The following PLA2G4D variants were observed in gnomAD, a reference collection of about 807,000 sequenced individuals.
PLA2G4D encodes cytosolic phospholipase A2 delta.
Under a neutral mutation model 94.4 loss-of-function variants are expected in PLA2G4D, and 80 were observed. The observed-to-expected ratio is 0.85, with a 90% CI of 0.71 to 1.02. The LOEUF (loss-of-function observed/expected upper bound fraction) is 1.02. PLA2G4D is among the 50% of genes least tolerant of loss of function. The probability of loss-of-function intolerance (pLI) is 0.00; values close to 1 mark genes in which losing one functional copy is unlikely to be tolerated. For missense variants in PLA2G4D, 1,050 were observed against 1,034.7 expected (o/e 1.01, Z -0.20); for synonymous variants, 438 against 440.9 (o/e 0.99, Z 0.08).
chr15:42,091,332 C>T lies in PLA2G4D; in HGVS notation c.45+3083G>A, dbSNP rs58429890. On this transcript the variant is annotated intron_variant, in intron 1 of 19. Transcript: ENST00000290472. ...TTCAGTCCAATATTATAATAATCCT[C>T]GCTCTATAATCATAACCTAGGAAAA... 7.3e-3 allele frequency among the ~76,000 whole-genome samples: 1,105 copies of T among 152,316 alleles called. 15 individuals carry two copies. The highest frequency in any genetic ancestry group is 0.026 in the African/African-American group (1,069 of 41,560).
chr15:42,093,711 T>C (rs1249827837), intron 1 of PLA2G4D, among the ~76,000 whole-genome samples: 1 of 152,136 alleles, frequency 6.6e-6, no homozygotes, highest in Non-Finnish European at 1.5e-5. Flanking sequence ...AGCTTGGGCC[T>C]GGGTCTCAGG....
intron 3 of PLA2G4D, among the ~76,000 whole-genome samples, 168 bp downstream of exon 3, chr15:42,087,132 T>C (rs905081686): frequency 6.6e-6 from 1 of 152,112 alleles, no homozygotes; most frequent in African/African-American, 2.4e-5. Flanking sequence ...CCATGTTCAT[T>C]CTTTCATACA....
chr15:42,093,375 G>C (rs1890279316), intron 1 of PLA2G4D, among the ~76,000 whole-genome samples: 1 of 152,222 alleles, frequency 6.6e-6, no homozygotes. Context: ...AAGGGGCACA[G>C]CCTTCGCCAG....
chr15:42,071,948 G>A, intron 14 of PLA2G4D, 37 bp from the exon 15 acceptor site: 1 of 1,606,962 alleles, frequency 6.2e-7, no homozygotes, highest in Non-Finnish European at 8.5e-7. Flanking sequence ...AGTGTGAGGG[G>A]AGTGGATTGC....
At chr15:42,081,900 G>A (rs111662860) in intron 9 of PLA2G4D, 66 bp from the exon 10 acceptor site, 21 of 1,552,598 alleles carry the variant, frequency 1.4e-5, no homozygotes, top group African/African-American at 9.6e-5. Context: ...GGGTATCCCT[G>A]GGGACTTGGT....
At chr15:42,071,343 T>C in intron 16 of PLA2G4D, 26 bp from the exon 17 acceptor site, 2 of 1,567,130 alleles carry the variant, frequency 1.3e-6, no homozygotes, top group Non-Finnish European at 1.7e-6. Flanking sequence ...CAGAAATTGG[T>C]CCCTTCTTCC....
At chr15:42,078,277 C>A (rs1889966547) in intron 13 of PLA2G4D, among the ~76,000 whole-genome samples, 1 of 152,232 alleles carries the variant, frequency 6.6e-6, no homozygotes, top group Admixed American at 6.5e-5. Context: ...GGCTCCCTTG[C>A]CCTGCAACAT....
At chr15:42,080,124 C>G (rs1890009866) in intron 12 of PLA2G4D, among the ~76,000 whole-genome samples, 1 of 152,144 alleles carries the variant, frequency 6.6e-6, no homozygotes, top group African/African-American at 2.4e-5. Flanking sequence ...TCCAAATTCA[C>G]TGTGTATTTA....
intron 8 of PLA2G4D, among the ~76,000 whole-genome samples, chr15:42,082,985 AG>A (rs1163372089): frequency 6.6e-6 from 1 of 152,180 alleles, no homozygotes; most frequent in Non-Finnish European, 1.5e-5. Context: ...GGGCCGCTGG[AG>A]GATTCAGAGA....
rs769429873 is a variant in PLA2G4D at position 42,086,255 on chromosome 15, G to T, written c.345C>A (p.Leu115=). 1 of 1,598,366 alleles carries T rather than the reference G, an allele frequency of 6.3e-7. No homozygotes were observed. The highest frequency in any genetic ancestry group is 1.1e-5 in the South Asian group (1 of 90,696). Residue 115 remains leucine (L), a synonymous_variant, in exon 4 of 20, where the codon CTC becomes CTA. Transcript: ENST00000290472. ...FKVLYDISEV[L]PGKLLRKTFS... ...AGGTTTTCCGGAGCAGCTTGCCAGG[G>T]AGGACTTCTGAGATGTCATAGAGAA...
intron 14 of PLA2G4D, 31 bp downstream of exon 14, chr15:42,072,244 G>A (rs773109905): frequency 1.3e-6 from 2 of 1,559,492 alleles, no homozygotes; most frequent in East Asian, 2.2e-5. Context: ...GGGGGGTGGA[G>A]TATGTGGGAG....
rs138515586 is a variant in PLA2G4D, at chr15:42,072,489, G to A, written c.1318-97C>T. The A allele has an allele frequency of 4.7e-4, 442 of 941,790 alleles. 5 individuals are homozygous for A. In the African/African-American group the frequency reaches 6.4e-3, roughly 14 times the overall value. 58.3% of individuals were successfully genotyped at this position (941,790 alleles called of 1,614,324 possible). ...GGGCAGGATGGGGGACCTGGCTGGG[G>A]GTGAGGAGGCAGCTCCTCCCGTGGG... On this transcript the variant is annotated intron_variant, in intron 13 of 19. Transcript: ENST00000290472.
chr15:42,081,925 T>C, intron 9 of PLA2G4D, 91 bp from the exon 10 acceptor site: 1 of 1,202,140 alleles, frequency 8.3e-7, no homozygotes, highest in Non-Finnish European at 1.1e-6. Context: ...TTCATCTTCA[T>C]TCTTTTTTTT....
At chr15:42,081,887 C>T in intron 9 of PLA2G4D, 53 bp from the exon 10 acceptor site, 2 of 1,522,358 alleles carry the variant, frequency 1.3e-6, no homozygotes, top group Non-Finnish European at 1.8e-6. Context: ...CTAAGCGGCA[C>T]ATGGGTATCC....
Position 42,067,437 on chromosome 15 carries a change from A to C in PLA2G4D, c.*1278T>G, listed in dbSNP as rs1889707360. The C allele has an allele frequency of 2.0e-5, 3 of 151,682 alleles. No homozygotes were observed. Among genetic ancestry groups the C allele is most frequent in the African/African-American group, 7.3e-5 (3 of 41,294 alleles). 9.4% of individuals were successfully genotyped at this position (151,682 alleles called of 1,614,324 possible). A position where few individuals can be genotyped will look rare whatever the true frequency, so the allele number is the denominator to read the frequency against. On this transcript the variant is annotated 3_prime_UTR_variant, in exon 20 of 20. Transcript: ENST00000290472. ...ATGCCTGTAGTCCCAGCTACTTGGG[A>C]GGCTGAAGTGGAAGGATCACTTGAG... is the stretch of plus-strand genomic sequence containing the variant.
In PLA2G4D at chr15:42,068,841, G is replaced by T; in HGVS notation, c.2331C>A (p.Asp777Glu). ...CACTGAGCCGCAGCAGGCGCTCGAA[G>T]TCTTCCTCCTTGTAGGTCATGTTGG... ...TLSNMTYKEE[D>E]FERLLRLSDY... Residue 777 changes from aspartate to glutamate, a missense_variant, in exon 20 of 20, where the codon GAC (aspartate) becomes GAA (glutamate). By Grantham distance (45) the Asp-to-Glu change is conservative (BLOSUM62 2). Coordinates refer to ENST00000290472, the MANE Select transcript of PLA2G4D (RefSeq NM_178034.4). The T allele has an allele frequency of 1.2e-6, 2 of 1,614,014 alleles. No homozygotes were observed. The highest frequency in any genetic ancestry group is 1.3e-5 in the African/African-American group (1 of 75,072).
intron 1 of PLA2G4D, among the ~76,000 whole-genome samples, chr15:42,089,072 A>C (rs955514655): frequency 6.6e-6 from 1 of 152,178 alleles, no homozygotes; most frequent in African/African-American, 2.4e-5. Flanking sequence ...CTCAGACCCT[A>C]TGTCCCTTCA....
chr15:42,069,372 A>C (rs1338312928), intron 19 of PLA2G4D, among the ~76,000 whole-genome samples: 1 of 152,194 alleles, frequency 6.6e-6, no homozygotes, highest in East Asian at 1.9e-4. Flanking sequence ...GAAAGCTGGG[A>C]GATCTAGAAT....
At position 42,094,477 on chromosome 15, in the gene PLA2G4D, C is replaced by T; in HGVS notation, c.-18G>A. ...CTCTCCATGCTAGCCCTTCCAGCTT[C>T]ACTCCAGGCCCAGCCCTTGCCAAGA... On this transcript the variant is annotated 5_prime_UTR_variant, in exon 1 of 20. An upstream open reading frame in the 5' UTR loses its in-frame stop. Transcript: ENST00000290472. 6.2e-7 allele frequency: 1 copy of T among 1,614,080 alleles called. No individual in the cohort carries two copies. The highest frequency in any genetic ancestry group is 8.5e-7 in the Non-Finnish European group (1 of 1,179,986).
Sources: gnomAD v4.1 joint callset for allele counts (sites outside exome capture counted in the v4.1 genomes callset) on GRCh38, gnomAD v4.1.1 for gene constraint, MANE v1.5 for transcripts, NCBI Gene and HGNC (gene_info 2026-07-23, HGNC 2026-07-21) for gene names.